Variants in SLC38A9 observed in about 807,000 individuals in gnomAD.
The protein encoded by SLC38A9 is solute carrier family 38 member 9.
A neutral mutation model predicts 62.3 loss-of-function variants in SLC38A9; 48 were observed. The ratio of observed to expected loss-of-function variants is 0.77; its 90% CI spans 0.61 to 0.98. The LOEUF (loss-of-function observed/expected upper bound fraction) is 0.98, where lower values mean the gene tolerates loss of function less well. Among genes scored for constraint, SLC38A9 ranks in the 50% least tolerant of loss-of-function variants. SLC38A9 has a pLI of 0.00. For missense variants in SLC38A9, 541 were observed against 679.8 expected (o/e 0.80, Z 2.27); for synonymous variants, 204 against 227.7 (o/e 0.90, Z 0.94).
intron 8 of SLC38A9, among the ~76,000 whole-genome samples, chr5:55,658,297 G>A (rs1748831521): frequency 6.6e-6 from 1 of 152,138 alleles, no homozygotes; most frequent in African/African-American, 2.4e-5. Context: ...GGGATTACAG[G>A]TGCCTGCCAC....
chr5:55,637,288 G>A (rs1339792321), intron 12 of SLC38A9, among the ~76,000 whole-genome samples: 3 of 152,146 alleles, frequency 2.0e-5, no homozygotes, highest in African/African-American at 4.8e-5. Context: ...TACCTAGGGG[G>A]AAATCTGATT....
At chr5:55,656,473 T>C (rs886905035) in intron 9 of SLC38A9, among the ~76,000 whole-genome samples, 3 of 152,132 alleles carry the variant, frequency 2.0e-5, no homozygotes, top group African/African-American at 4.8e-5. Context: ...TTGTGAATTG[T>C]ATAATATGAA....
intron 4 of SLC38A9, among the ~76,000 whole-genome samples, chr5:55,670,539 G>A (rs958627791): frequency 7.9e-5 from 12 of 152,162 alleles, no homozygotes; most frequent in African/African-American, 1.2e-4. Flanking sequence ...GAAAACGAGT[G>A]TGGATGTATA....
intron 2 of SLC38A9, among the ~76,000 whole-genome samples, chr5:55,698,830 C>T (rs1756267180): frequency 6.6e-6 from 1 of 152,100 alleles, no homozygotes; most frequent in African/African-American, 2.4e-5. Flanking sequence ...ACTTTGGAGG[C>T]CGAGGCTGAA....
chr5:55,652,352 C>T (rs539120658), intron 10 of SLC38A9, among the ~76,000 whole-genome samples, 177 bp downstream of exon 10: 76 of 47,758 alleles, frequency 1.6e-3, no homozygotes, highest in Middle Eastern at 0.017. Flanking sequence ...AGTGAAACTC[C>T]GTCTCAAAAA....
intron 14 of SLC38A9, among the ~76,000 whole-genome samples, chr5:55,630,608 G>C (rs182124287): frequency 6.6e-6 from 1 of 152,042 alleles, no homozygotes; most frequent in Non-Finnish European, 1.5e-5. Flanking sequence ...GAGCCACCAC[G>C]AACGGCTAAA....
At chr5:55,696,703 A>T (rs1157648305) in intron 3 of SLC38A9, 1 of 63,468 alleles carries the variant, frequency 1.6e-5, no homozygotes, top group Non-Finnish European at 3.6e-5. Flanking sequence ...CGGGGGGCTG[A>T]CCCCCCCACC....
intron 3 of SLC38A9, chr5:55,691,055 A>C: frequency 3.1e-6 from 2 of 636,584 alleles, no homozygotes; most frequent in South Asian, 3.6e-5. Context: ...ATTATAAAAA[A>C]GAGTGCCACA....
At chr5:55,646,894 G>A (rs1338232805) in intron 11 of SLC38A9, among the ~76,000 whole-genome samples, 1 of 152,072 alleles carries the variant, frequency 6.6e-6, no homozygotes, top group African/African-American at 2.4e-5. Context: ...AGGATTATAG[G>A]TGCATGCCAC....
rs1309857013 is a variant in SLC38A9, at chr5:55,678,657, T to G, written c.114-5962A>C. 4.8e-4 allele frequency among the ~76,000 whole-genome samples: 65 copies of G among 134,680 alleles called. 1 individual carries two copies. In the South Asian group the frequency reaches 0.014, roughly 30 times the overall value. The allele number at this position is 134,680 out of a possible 152,430, so 88.4% of individuals were successfully genotyped here. ...AGACTGAAATGAACTTTTTTTTTTT[T>G]TTTTTTTTTTTTTTTTTGAGACAGG... On this transcript the variant is annotated intron_variant, in intron 3 of 15. Transcript: ENST00000396865.
chr5:55,680,545 C>T (rs1225744952), intron 3 of SLC38A9, among the ~76,000 whole-genome samples: 3 of 152,220 alleles, frequency 2.0e-5, no homozygotes, highest in Admixed American at 6.5e-5. Flanking sequence ...AGCAACAAGG[C>T]CCGTGTCAGA....
intron 13 of SLC38A9, chr5:55,634,621 G>T (rs1362414268): frequency 6.6e-6 from 1 of 152,144 alleles, no homozygotes; most frequent in Non-Finnish European, 1.5e-5. Flanking sequence ...GGCTGCCAAA[G>T]AACTTCTGGA....
At position 55,678,138 on chromosome 5, in the gene SLC38A9, G is replaced by GTTTTTTT. The variant is rs769465008; in HGVS notation, c.114-5450_114-5444dup. On this transcript the variant is annotated intron_variant, in intron 3 of 15. Coordinates refer to ENST00000396865, the MANE Select transcript of SLC38A9 (RefSeq NM_173514.4). ...CCACAAAAGGTGAACAAGGTTACTG[G>GTTTTTTT]TTTTTTTTTCTTTTTTTGAGACAGT... Among the ~76,000 whole-genome samples the GTTTTTTT allele has an allele frequency of 7.3e-4, 94 of 129,430 alleles. 4 individuals are homozygous for GTTTTTTT. The highest frequency in any genetic ancestry group is 1.0e-3 in the Non-Finnish European group (63 of 61,814). 84.9% of individuals were successfully genotyped at this position (129,430 alleles called of 152,430 possible). A position where few individuals can be genotyped will look rare whatever the true frequency, so the allele number is the denominator to read the frequency against.
intron 9 of SLC38A9, among the ~76,000 whole-genome samples, chr5:55,653,043 T>C (rs916610707): frequency 2.6e-5 from 4 of 152,198 alleles, no homozygotes; most frequent in Admixed American, 6.5e-5. Context: ...CTCGGCTCAC[T>C]GCAACCTCCG....
At chr5:55,663,203 T>C (rs1029878858) in intron 8 of SLC38A9, among the ~76,000 whole-genome samples, 1 of 143,172 alleles carries the variant, frequency 7.0e-6, no homozygotes, top group Non-Finnish European at 1.5e-5. Context: ...CCTGTGCCTA[T>C]AATTCAAGCC....
At chr5:55,672,486 G>C (rs1751478912) in intron 4 of SLC38A9, 77 bp downstream of exon 4, 12 of 1,506,132 alleles carry the variant, frequency 8.0e-6, no homozygotes, top group South Asian at 3.8e-5. Context: ...TTCAATCACT[G>C]GGAGGTGCCC....
intron 8 of SLC38A9, among the ~76,000 whole-genome samples, chr5:55,658,371 C>A (rs547428858): frequency 1.3e-5 from 2 of 152,308 alleles, no homozygotes; most frequent in East Asian, 3.9e-4. Context: ...CCAGGCTGGT[C>A]TCAAACTCCT....
At chr5:55,671,025 A>C (rs564822883) in intron 4 of SLC38A9, among the ~76,000 whole-genome samples, 1 of 152,342 alleles carries the variant, frequency 6.6e-6, no homozygotes, top group East Asian at 1.9e-4. Flanking sequence ...AGTGATGCCC[A>C]ATCACTGGTC....
At chr5:55,642,212 A>AT (rs1745546787) in intron 12 of SLC38A9, among the ~76,000 whole-genome samples, 1 of 152,034 alleles carries the variant, frequency 6.6e-6, no homozygotes, top group African/African-American at 2.4e-5. Context: ...CACCCGGCTA[A>AT]TTTTTTGTAT....
Sources: gnomAD v4.1 joint callset for allele counts (sites outside exome capture counted in the v4.1 genomes callset) on GRCh38, gnomAD v4.1.1 for gene constraint, MANE v1.5 for transcripts, NCBI Gene and HGNC (gene_info 2026-07-23, HGNC 2026-07-21) for gene names.